The following ARHGAP44 variants were observed in gnomAD, a reference collection of about 807,000 sequenced individuals.
ARHGAP44 encodes the protein Rho GTPase activating protein 44, also known as rho GTPase-activating protein 44.
In ARHGAP44, 43 loss-of-function variants were observed where a neutral mutation model predicts 106.8. The observed-to-expected ratio is 0.40, with a 90% CI of 0.32 to 0.52. The LOEUF (loss-of-function observed/expected upper bound fraction) is 0.52. Ranked by LOEUF, ARHGAP44 falls within the 20% of genes least tolerant of loss-of-function variation. ARHGAP44 has a pLI of 0.48. For missense variants in ARHGAP44, 866 were observed against 1,050.5 expected (o/e 0.82, Z 2.43); for synonymous variants, 439 against 410.3 (o/e 1.07, Z -0.85).
At chr17:12,961,123 G>A (rs1259350678) in intron 16 of ARHGAP44, among the ~76,000 whole-genome samples, 1 of 152,070 alleles carries the variant, frequency 6.6e-6, no homozygotes, top group Non-Finnish European at 1.5e-5. Flanking sequence ...CTCTCTGCCA[G>A]ATCTGGTTTG....
intron 1 of ARHGAP44, among the ~76,000 whole-genome samples, chr17:12,862,648 A>G (rs977491030): frequency 6.6e-6 from 1 of 152,160 alleles, no homozygotes; most frequent in Non-Finnish European, 1.5e-5. Context: ...TGGTATCTAC[A>G]TATGAATGTT....
intron 6 of ARHGAP44, 107 bp downstream of exon 6, chr17:12,919,938 T>A: frequency 1.1e-6 from 1 of 873,412 alleles, no homozygotes; most frequent in Non-Finnish European, 1.8e-6. Context: ...CAAGTTTTTC[T>A]GGACACCTAA....
At chr17:12,942,242 G>A (rs934969380) in intron 8 of ARHGAP44, among the ~76,000 whole-genome samples, 4 of 152,220 alleles carry the variant, frequency 2.6e-5, no homozygotes, top group African/African-American at 9.6e-5. Flanking sequence ...CACCTCCTGG[G>A]TTAAGATGAT....
At chr17:12,833,282 C>T (rs572532797) in intron 1 of ARHGAP44, among the ~76,000 whole-genome samples, 159 of 152,242 alleles carry the variant, frequency 1.0e-3, no homozygotes, top group African/African-American at 3.8e-3. Flanking sequence ...ATATGTGTTT[C>T]ATATTGATGG....
chr17:12,902,116 A>T (rs1465406993), intron 3 of ARHGAP44, among the ~76,000 whole-genome samples: 1 of 152,160 alleles, frequency 6.6e-6, no homozygotes, highest in African/African-American at 2.4e-5. Context: ...TTCCCTTTGT[A>T]GAATAAAATC....
At chr17:12,981,161 A>C (rs55654981) in intron 19 of ARHGAP44, 14,834 of 152,262 alleles carry the variant, frequency 0.097, 901 homozygotes, top group Middle Eastern at 0.19. Flanking sequence ...TCCAGAGAGG[A>C]AGGCAATGAT....
At chr17:12,898,905 G>A (rs542364455) in intron 3 of ARHGAP44, among the ~76,000 whole-genome samples, 11 of 152,268 alleles carry the variant, frequency 7.2e-5, no homozygotes, top group Admixed American at 1.3e-4. Context: ...GGAGAAGTCC[G>A]CAGTGGAAGT....
At chr17:12,914,847 G>A (rs1281341167) in intron 4 of ARHGAP44, among the ~76,000 whole-genome samples, 2 of 149,030 alleles carry the variant, frequency 1.3e-5, no homozygotes, top group Non-Finnish European at 3.0e-5. Flanking sequence ...AAAAAAGCAA[G>A]TAGCATCAGG....
Position 12,990,333 on chromosome 17 carries a change from T to C in ARHGAP44, c.*162T>C, listed in dbSNP as rs768573302. Reference sequence around the variant, plus strand: ...GCAGAAAATTGTGATCTCCAGTCCGTGTGGTGATGCTGGTGGTGCAGGTTT... The same window carrying C: ...GCAGAAAATTGTGATCTCCAGTCCGCGTGGTGATGCTGGTGGTGCAGGTTT... On this transcript the variant is annotated 3_prime_UTR_variant, in exon 21 of 21. Coordinates refer to ENST00000379672, the MANE Select transcript of ARHGAP44 (RefSeq NM_014859.6). 1.1e-6 allele frequency: 1 copy of C among 898,426 alleles called. No homozygotes were observed. 55.7% of individuals were successfully genotyped at this position (898,426 alleles called of 1,614,324 possible).
intron 1 of ARHGAP44, among the ~76,000 whole-genome samples, chr17:12,874,913 G>A (rs1445096490): frequency 2.0e-5 from 3 of 151,202 alleles, no homozygotes; most frequent in South Asian, 2.1e-4. Context: ...AGAGTATATC[G>A]GGCAGGGCAG....
intron 1 of ARHGAP44, among the ~76,000 whole-genome samples, chr17:12,867,338 TTA>T (rs1316908811): frequency 6.6e-6 from 1 of 152,114 alleles, no homozygotes; most frequent in African/African-American, 2.4e-5. Flanking sequence ...GCTAACTTTT[TTA>T]TGAGTCCGTC....
At chr17:12,931,472 G>A (rs2038397219) in intron 7 of ARHGAP44, among the ~76,000 whole-genome samples, 1 of 151,922 alleles carries the variant, frequency 6.6e-6, no homozygotes, top group Non-Finnish European at 1.5e-5. Flanking sequence ...TAGGTTAGTA[G>A]CTGTAGTTCT....
chr17:12,814,699 A>T lies in ARHGAP44; in HGVS notation c.53+24808A>T, dbSNP rs574550844. 3.9e-5 allele frequency among the ~76,000 whole-genome samples: 6 copies of T among 152,278 alleles called. No homozygotes were observed. In the South Asian group the frequency reaches 1.2e-3, roughly 32 times the overall value. On this transcript the variant is annotated intron_variant, in intron 1 of 20. Coordinates refer to ENST00000379672, the MANE Select transcript of ARHGAP44 (RefSeq NM_014859.6). ...CATACCTATATTGCACCCTCATATT[A>T]CATATAGCAAATGCTGTTAGTGGTT...
At position 12,950,383 on chromosome 17, in the gene ARHGAP44, C is replaced by T. The variant is rs949593951; in HGVS notation, c.1055+653C>T. On this transcript the variant is annotated intron_variant, in intron 12 of 20. Coordinates refer to ENST00000379672, the MANE Select transcript of ARHGAP44 (RefSeq NM_014859.6). The stretch of plus-strand genomic sequence containing the variant: ...GCCTCTCTCTCCCCTCCTGAAGATG[C>T]GCCCAAGGGAGAGGCCGCAGCCCAA... Among the ~76,000 whole-genome samples the T allele has an allele frequency of 6.6e-5, 10 of 152,250 alleles. No homozygotes were observed. In the East Asian group the frequency reaches 1.5e-3, roughly 24 times the overall value.
intron 1 of ARHGAP44, among the ~76,000 whole-genome samples, chr17:12,860,195 A>T (rs2036027951): frequency 2.6e-5 from 4 of 152,212 alleles, no homozygotes; most frequent in Admixed American, 2.6e-4. Context: ...AAGAATATAG[A>T]AAGTAGGAAA....
At chr17:12,905,628 T>C (rs1229567572) in intron 3 of ARHGAP44, among the ~76,000 whole-genome samples, 2 of 152,320 alleles carry the variant, frequency 1.3e-5, no homozygotes, top group Non-Finnish European at 2.9e-5. Context: ...TCTTTTTCCA[T>C]ATTTGGAAAA....
intron 20 of ARHGAP44, chr17:12,986,702 A>AAAAAAAAAAAT (rs2039967620): frequency 8.4e-6 from 1 of 119,358 alleles, no homozygotes; most frequent in Non-Finnish European, 1.9e-5. Flanking sequence ...AAAAAAAAAA[A>AAAAAAAAAAAT]GAATGAGCAG....
At chr17:12,826,452 A>G (rs1350623142) in intron 1 of ARHGAP44, among the ~76,000 whole-genome samples, 1 of 151,900 alleles carries the variant, frequency 6.6e-6, no homozygotes, top group Non-Finnish European at 1.5e-5. Context: ...TTTTTCCTGT[A>G]TTTTCTTGGA....
intron 1 of ARHGAP44, among the ~76,000 whole-genome samples, chr17:12,875,906 C>G (rs7217624): frequency 6.6e-6 from 1 of 152,034 alleles, no homozygotes; most frequent in Non-Finnish European, 1.5e-5. Flanking sequence ...ATGGCGTCAT[C>G]GCACTCCAGC....
Sources: allele counts gnomAD v4.1 joint callset (sites outside exome capture counted in the v4.1 genomes callset), GRCh38; gene constraint gnomAD v4.1.1; transcripts MANE v1.5; gene names NCBI Gene and HGNC (gene_info 2026-07-23, HGNC 2026-07-21).